Variants in ZFYVE9 observed in about 807,000 individuals in gnomAD.
The protein encoded by ZFYVE9 is zinc finger FYVE domain-containing protein 9.
In ZFYVE9, 43 loss-of-function variants were observed where a neutral mutation model predicts 126.7. The ratio of observed to expected loss-of-function variants is 0.34; its 90% CI spans 0.27 to 0.44. ZFYVE9 has a LOEUF of 0.44. Ranked by LOEUF, ZFYVE9 falls within the 20% of genes least tolerant of loss-of-function variation. The probability of loss-of-function intolerance (pLI) is 1.00; values close to 1 mark genes in which losing one functional copy is unlikely to be tolerated. For missense variants in ZFYVE9, 1,476 were observed against 1,697.0 expected, an observed-to-expected ratio of 0.87 and a Z score of 2.29; for synonymous variants, 521 against 597.4, an observed-to-expected ratio of 0.87 and a Z score of 1.87.
intron 13 of ZFYVE9, among the ~76,000 whole-genome samples, chr1:52,332,310 TAAG>T (rs899298301): frequency 3.3e-4 from 50 of 152,286 alleles, no homozygotes; most frequent in African/African-American, 1.1e-3. Flanking sequence ...TTAGTAAAAT[TAAG>T]AAACAATTTG....
chr1:52,270,493 T>C (rs972567613), intron 7 of ZFYVE9, among the ~76,000 whole-genome samples: 3 of 152,188 alleles, frequency 2.0e-5, no homozygotes, highest in Non-Finnish European at 2.9e-5. Flanking sequence ...CTCGATCTCC[T>C]GACCTCCTGA....
At chr1:52,244,331 T>C (rs1645363213) in intron 4 of ZFYVE9, among the ~76,000 whole-genome samples, 1 of 152,122 alleles carries the variant, frequency 6.6e-6, no homozygotes, top group Non-Finnish European at 1.5e-5. Context: ...AAAGAAGTTT[T>C]AGGAGAAAGG....
At chr1:52,283,003 A>C (rs1281795837) in intron 10 of ZFYVE9, among the ~76,000 whole-genome samples, 1 of 152,202 alleles carries the variant, frequency 6.6e-6, no homozygotes, top group African/African-American at 2.4e-5. Flanking sequence ...TAGGTGTAGC[A>C]TTACATAAGG....
At chr1:52,246,789 C>A (rs1645389984) in intron 4 of ZFYVE9, among the ~76,000 whole-genome samples, 1 of 149,848 alleles carries the variant, frequency 6.7e-6, no homozygotes, top group Non-Finnish European at 1.5e-5. Flanking sequence ...CTCACTGCAA[C>A]CTCTACCTCC....
chr1:52,260,549 G>C (rs1387443218), intron 4 of ZFYVE9, among the ~76,000 whole-genome samples: 2 of 152,056 alleles, frequency 1.3e-5, no homozygotes, highest in Non-Finnish European at 2.9e-5. Flanking sequence ...GGGCACGGTA[G>C]TTCACATCTG....
Position 52,255,959 on chromosome 1 carries a change from TTTTCTTTTC to T in ZFYVE9, c.2179-7806_2179-7798del, listed in dbSNP as rs1485113699. Among the ~76,000 whole-genome samples, 579 of 94,118 alleles carry T rather than the reference TTTTCTTTTC, an allele frequency of 6.2e-3. 7 individuals carry two copies. The highest frequency in any genetic ancestry group is 0.017 in the African/African-American group (228 of 13,394). The allele number at this position is 94,118 out of a possible 152,430, so 61.7% of individuals were successfully genotyped here. A position where few individuals can be genotyped will look rare whatever the true frequency, so the allele number is the denominator to read the frequency against. On this transcript the variant is annotated intron_variant, in intron 4 of 18. Coordinates refer to ENST00000287727, the MANE Select transcript of ZFYVE9 (RefSeq NM_004799.4). ...TTTTCTTTTCTTTTCTTTTCTTTTC[TTTTCTTTTC>T]TTTCTTTCTTTCTTTCCTTCCTTCC...
Position 52,263,753 on chromosome 1 carries a change from T to TGGGGGGGGGGG in ZFYVE9, c.2179-20_2179-19insGGGGGGGGGGG. 10 of 713,070 alleles carry TGGGGGGGGGGG rather than the reference T, an allele frequency of 1.4e-5. No individual in the cohort carries two copies. Among genetic ancestry groups the TGGGGGGGGGGG allele is most frequent in the Non-Finnish European group, 1.6e-5 (8 of 490,698 alleles). The allele number at this position is 713,070 out of a possible 1,614,324, so 44.2% of individuals were successfully genotyped here. A position where few individuals can be genotyped will look rare whatever the true frequency, so the allele number is the denominator to read the frequency against. On this transcript the variant is annotated intron_variant, in intron 4 of 18. Transcript: ENST00000287727. ...ATCCCAAGTAAATTTTGTGTGTTCT[T>TGGGGGGGGGGG]CCCCCCCCCCCCCCCACAGGTTTTC...
At chr1:52,222,821 C>T (rs919102137) in intron 2 of ZFYVE9, among the ~76,000 whole-genome samples, 2 of 152,188 alleles carry the variant, frequency 1.3e-5, no homozygotes, top group Non-Finnish European at 2.9e-5. Context: ...AGTAAGTTTT[C>T]CCTGATTAAC....
At chr1:52,172,400 G>A (rs1287322038) in intron 1 of ZFYVE9, among the ~76,000 whole-genome samples, 1 of 152,190 alleles carries the variant, frequency 6.6e-6, no homozygotes, top group Non-Finnish European at 1.5e-5. Context: ...TTTGGTTACT[G>A]TAGCCTTGTA....
intron 1 of ZFYVE9, among the ~76,000 whole-genome samples, chr1:52,166,312 A>G (rs1644513450): frequency 1.3e-5 from 2 of 152,212 alleles, no homozygotes; most frequent in South Asian, 4.1e-4. Context: ...TGAAAAGGGC[A>G]TACATACTAA....
chr1:52,334,783 G>A lies in ZFYVE9; in HGVS notation c.3670+15G>A. The A allele has an allele frequency of 6.2e-6, 10 of 1,612,610 alleles. No homozygotes were observed. The highest frequency in any genetic ancestry group is 7.6e-6 in the Non-Finnish European group (9 of 1,178,868). ...TATTGTGGAAGGTAAAGAATGAATTGTTCAGTCCTCATAATAAGGACTGAA... is the reference window on the plus strand; with the variant it reads ...TATTGTGGAAGGTAAAGAATGAATTATTCAGTCCTCATAATAAGGACTGAA... On this transcript the variant is annotated intron_variant, in intron 15 of 18. Transcript: ENST00000287727.
At chr1:52,255,846 C>G (rs1645502026) in intron 4 of ZFYVE9, among the ~76,000 whole-genome samples, 1 of 151,970 alleles carries the variant, frequency 6.6e-6, no homozygotes, top group Admixed American at 6.6e-5. Context: ...CAGAGAGAGA[C>G]TCTGACTCAA....
chr1:52,281,890 T>TA (rs1244125065), intron 10 of ZFYVE9, 74 bp downstream of exon 10: 73 of 1,553,424 alleles, frequency 4.7e-5, no homozygotes, highest in Non-Finnish European at 6.2e-5. Context: ...TACAAAATAA[T>TA]AGTCTTAACT....
intron 1 of ZFYVE9, chr1:52,180,623 GAATT>G (rs1439166687): frequency 2.0e-6 from 1 of 509,086 alleles, no homozygotes; most frequent in Non-Finnish European, 3.5e-6. Flanking sequence ...AAGTAAGAAT[GAATT>G]CTTCTGGTTT....
intron 13 of ZFYVE9, among the ~76,000 whole-genome samples, chr1:52,329,317 C>T (rs1355981338): frequency 6.6e-6 from 1 of 152,070 alleles, no homozygotes; most frequent in Non-Finnish European, 1.5e-5. Context: ...TTACCCTTAC[C>T]TCACATTATA....
intron 9 of ZFYVE9, among the ~76,000 whole-genome samples, chr1:52,280,380 A>G (rs1323086106): frequency 7.3e-6 from 1 of 136,642 alleles, no homozygotes; most frequent in Non-Finnish European, 1.5e-5. Flanking sequence ...ACCCTGTTTA[A>G]AAAAAAAAAA....
intron 1 of ZFYVE9, among the ~76,000 whole-genome samples, chr1:52,207,739 C>CT (rs1644991165): frequency 2.0e-5 from 3 of 152,182 alleles, no homozygotes; most frequent in African/African-American, 7.2e-5. Flanking sequence ...ACCAGTTGCC[C>CT]TAATGGATTA....
At chr1:52,291,681 C>T (rs534040875) in intron 10 of ZFYVE9, among the ~76,000 whole-genome samples, 2 of 151,906 alleles carry the variant, frequency 1.3e-5, no homozygotes, top group South Asian at 2.1e-4. Context: ...AGTTCGAGAC[C>T]AGCCTGGCCA....
chr1:52,297,179 G>A (rs1208798295), intron 12 of ZFYVE9, among the ~76,000 whole-genome samples: 1 of 151,686 alleles, frequency 6.6e-6, no homozygotes, highest in Non-Finnish European at 1.5e-5. Flanking sequence ...CTAGGGGGCA[G>A]CCCCAGGCAA....
Sources: allele counts gnomAD v4.1 joint callset (sites outside exome capture counted in the v4.1 genomes callset), GRCh38; gene constraint gnomAD v4.1.1; transcripts MANE v1.5; gene names NCBI Gene and HGNC (gene_info 2026-07-23, HGNC 2026-07-21).